The following CCNT2 variants were observed in gnomAD, a reference collection of about 807,000 sequenced individuals.
CCNT2 encodes the protein cyclin-T2.
In CCNT2, 18 loss-of-function variants were observed where a neutral mutation model predicts 70.0. That is an observed-to-expected ratio of 0.26 (90% CI 0.18 to 0.38). The LOEUF (loss-of-function observed/expected upper bound fraction) is 0.38. CCNT2 is among the 10% of genes least tolerant of loss of function. The pLI is 1.00. For synonymous variants in CCNT2, 334 were observed against 313.3 expected (o/e 1.07, Z -0.70); for missense variants, 734 against 890.2 (o/e 0.82, Z 2.23).
chr2:134,919,215 A>G (rs1029116194), intron 1 of CCNT2, among the ~76,000 whole-genome samples: 5 of 152,172 alleles, frequency 3.3e-5, no homozygotes, highest in Non-Finnish European at 7.3e-5. Context: ...AATGCGGGCC[A>G]GGAGCCTGCG....
At chr2:134,922,665 G>C (rs918823238) in intron 2 of CCNT2, among the ~76,000 whole-genome samples, 1 of 152,108 alleles carries the variant, frequency 6.6e-6, no homozygotes, top group African/African-American at 2.4e-5. Flanking sequence ...AAGTGTAAAA[G>C]CCCTGGAGCC....
At chr2:134,921,377 A>G (rs560181595) in intron 2 of CCNT2, among the ~76,000 whole-genome samples, 1 of 151,760 alleles carries the variant, frequency 6.6e-6, no homozygotes, top group East Asian at 1.9e-4. Context: ...TTTTTGAGAC[A>G]GAGTCTCACT....
rs542487617 is a variant in CCNT2, at chr2:134,949,807, G to A, written c.703+1908G>A. Among the ~76,000 whole-genome samples, 25 of 137,578 alleles carry A rather than the reference G, an allele frequency of 1.8e-4. No individual in the cohort carries two copies. The South Asian group carries it at 3.0e-3, about 17-fold the overall frequency. The allele number at this position is 137,578 out of a possible 152,430, so 90.3% of individuals were successfully genotyped here. On this transcript the variant is annotated intron_variant, in intron 7 of 8. Transcript: ENST00000264157. Reference sequence around the variant, plus strand: ...GGTAGGCAAAATTTTTTTTTCGGGGGGGGGGTGGGGGACAGAGTCTCAGTC... The same window carrying A: ...GGTAGGCAAAATTTTTTTTTCGGGGAGGGGGTGGGGGACAGAGTCTCAGTC...
intron 5 of CCNT2, 150 bp downstream of exon 5, chr2:134,942,824 C>T: frequency 2.2e-6 from 3 of 1,385,734 alleles, no homozygotes; most frequent in Non-Finnish European, 2.8e-6. Context: ...TTTTAGTGTT[C>T]TACATCTACT....
intron 2 of CCNT2, among the ~76,000 whole-genome samples, chr2:134,931,493 T>C (rs780861478): frequency 2.0e-5 from 3 of 151,944 alleles, no homozygotes; most frequent in East Asian, 1.9e-4. Context: ...TTAGGAAATA[T>C]GAGTCTTCCA....
intron 2 of CCNT2, among the ~76,000 whole-genome samples, chr2:134,931,296 A>ATTTTTTTTTTTTTTTTTTTT: frequency 2.5e-5 from 1 of 40,082 alleles, no homozygotes; most frequent in East Asian, 3.2e-3. Context: ...TTGGTATTTG[A>ATTTTTTTTTTTTTTTTTTTT]ATATACAGTT....
chr2:134,953,701 A>G lies in CCNT2; in HGVS notation c.1246A>G (p.Ser416Gly). The change falls in exon 9 of 9, where the codon AGC becomes GGC. Residue 416 changes from serine (S) to glycine (G), a missense_variant. By Grantham distance (56) the Ser-to-Gly change is moderately conservative. Around this residue, in one of 3 missense-constraint regions of CCNT2, gnomAD observed 532 missense variants for 556.9 expected, o/e 0.96. Transcript: ENST00000264157. The part of the protein sequence containing the change: ...VKQEYTHKAG[S>G]SKHHGPISTT... The stretch of plus-strand genomic sequence containing the variant: ...GCAAGAATATACTCATAAAGCAGGG[A>G]GCAGTAAACACCATGGGCCAATTTC... 6.2e-7 allele frequency: 1 copy of G among 1,613,928 alleles called. No homozygotes were observed.
intron 7 of CCNT2, among the ~76,000 whole-genome samples, chr2:134,948,814 A>G (rs1166971669): frequency 6.6e-6 from 1 of 151,448 alleles, no homozygotes; most frequent in African/African-American, 2.4e-5. Flanking sequence ...TCCCGAGTTC[A>G]AGCAATTCTC....
chr2:134,958,063 G>A lies in CCNT2; in HGVS notation c.*3415G>A, dbSNP rs1252994339. On this transcript the variant is annotated 3_prime_UTR_variant, in exon 9 of 9. Coordinates refer to ENST00000264157, the MANE Select transcript of CCNT2 (RefSeq NM_058241.3). ...TTTCTATTTGAGAACTTAAATTGCT[G>A]ACTTGTATTCGTTAAGCAACCTTAG... The A allele has an allele frequency of 6.6e-6, 1 of 152,138 alleles. No individual in the cohort carries two copies. The highest frequency in any genetic ancestry group is 2.4e-5 in the African/African-American group (1 of 41,434). 9.4% of individuals were successfully genotyped at this position (152,138 alleles called of 1,614,324 possible).
At position 134,953,429 on chromosome 2, in the gene CCNT2, G is replaced by A; in HGVS notation, c.974G>A (p.Ser325Asn). 1 of 1,611,514 alleles carries A rather than the reference G, an allele frequency of 6.2e-7. No homozygotes were observed. The highest frequency in any genetic ancestry group is 8.5e-7 in the Non-Finnish European group (1 of 1,178,566). Residue 325 changes from serine to asparagine, a missense_variant, in exon 9 of 9, where the codon AGC (serine) becomes AAC (asparagine). By Grantham distance (46) the Ser-to-Asn change is conservative (BLOSUM62 1). Coordinates refer to ENST00000264157, the MANE Select transcript of CCNT2 (RefSeq NM_058241.3). Reference protein sequence around the residue: ...LNSGNISVQDSHTSDNLSMLA... With the variant: ...LNSGNISVQDNHTSDNLSMLA... ...TCAGGAAATATTTCTGTTCAAGACAGCCATACATCTGATAATTTGTCAATG... is the reference window on the plus strand; with the variant it reads ...TCAGGAAATATTTCTGTTCAAGACAACCATACATCTGATAATTTGTCAATG...
intron 2 of CCNT2, among the ~76,000 whole-genome samples, chr2:134,923,355 C>T (rs1680055278): frequency 6.6e-6 from 1 of 152,086 alleles, no homozygotes; most frequent in Admixed American, 6.5e-5. Context: ...CATTGTTATA[C>T]TCTGGTCATG....
intron 2 of CCNT2, 71 bp from the exon 3 acceptor site, chr2:134,936,770 A>T: frequency 2.1e-6 from 3 of 1,436,648 alleles, no homozygotes; most frequent in Non-Finnish European, 2.8e-6. Context: ...AAAAACAGAA[A>T]AGAAAAGAAA....
intron 4 of CCNT2, among the ~76,000 whole-genome samples, chr2:134,939,761 C>T (rs190165619): frequency 2.3e-3 from 353 of 152,190 alleles, no homozygotes; most frequent in African/African-American, 7.8e-3. Flanking sequence ...TCACCACGCC[C>T]GGCCTATCAT....
intron 7 of CCNT2, among the ~76,000 whole-genome samples, chr2:134,948,340 TAAAAAA>T (rs1409337319): frequency 1.3e-4 from 18 of 143,370 alleles, no homozygotes; most frequent in Non-Finnish European, 1.9e-4. Context: ...TTTCAGGACT[TAAAAAA>T]TAAATAAGTA....
Position 134,953,861 on chromosome 2 carries a change from A to C in CCNT2, c.1406A>C (p.Gln469Pro). ...GTAGAACAGCAGCACAAACAAGGGC[A>C]GTCACAGGCAGCCAGCAGCAGTTCT... ...AQVEQQHKQG[Q>P]SQAASSSSVT... The change falls in exon 9 of 9, where the codon CAG becomes CCG. Residue 469 changes from glutamine (Q) to proline (P), a missense_variant. Gln to Pro is a moderately conservative substitution (Grantham distance 76, BLOSUM62 -1). This residue lies in a region of CCNT2 where 532 missense variants were observed against 556.9 expected (regional missense o/e 0.96). Coordinates refer to ENST00000264157, the MANE Select transcript of CCNT2 (RefSeq NM_058241.3). The C allele has an allele frequency of 1.2e-6, 2 of 1,614,158 alleles. No individual in the cohort carries two copies. Among genetic ancestry groups the C allele is most frequent in the Non-Finnish European group, 1.7e-6 (2 of 1,180,026 alleles).
chr2:134,948,699 T>G lies in CCNT2; in HGVS notation c.703+800T>G, dbSNP rs117714995. ...GCATTTTAACCACGTACTGTAGATTTCAGCAAGAAAATAGATAACACTTTT... is the reference window on the plus strand; with the variant it reads ...GCATTTTAACCACGTACTGTAGATTGCAGCAAGAAAATAGATAACACTTTT... On this transcript the variant is annotated intron_variant, in intron 7 of 8. Coordinates refer to ENST00000264157, the MANE Select transcript of CCNT2 (RefSeq NM_058241.3). Among the ~76,000 whole-genome samples the G allele has an allele frequency of 3.2e-4, 48 of 150,548 alleles. No homozygotes were observed. The East Asian group carries it at 9.2e-3, about 29-fold the overall frequency.
chr2:134,945,645 G>C, intron 5 of CCNT2: 1 of 1,214,866 alleles, frequency 8.2e-7, no homozygotes, highest in Non-Finnish European at 1.0e-6. Context: ...GTGGGGTGGG[G>C]GTTTGTTTTG....
chr2:134,930,606 G>A (rs534595316), intron 2 of CCNT2, among the ~76,000 whole-genome samples: 2 of 152,250 alleles, frequency 1.3e-5, no homozygotes, highest in East Asian at 3.9e-4. Context: ...AGGAACTGCC[G>A]AACTGTTTTC....
rs1029513998 is a variant in CCNT2, at chr2:134,954,468, T to C, written c.2013T>C (p.Pro671=). 1.9e-6 allele frequency: 3 copies of C among 1,614,038 alleles called. No homozygotes were observed. The highest frequency in any genetic ancestry group is 2.7e-5 in the African/African-American group (2 of 74,926). The part of the protein sequence containing the change: ...VFNHPLPPPP[P]VTYQVGYGHL... ...ACCATCCCTTACCCCCTCCTCCCCCTGTCACATACCAGGTGGGCTACGGAC... is the reference window on the plus strand; with the variant it reads ...ACCATCCCTTACCCCCTCCTCCCCCCGTCACATACCAGGTGGGCTACGGAC... Residue 671 remains proline (P), a synonymous_variant, in exon 9 of 9, where the codon CCT becomes CCC. Coordinates refer to ENST00000264157, the MANE Select transcript of CCNT2 (RefSeq NM_058241.3).
Sources: gnomAD v4.1 joint callset for allele counts (sites outside exome capture counted in the v4.1 genomes callset) on GRCh38, gnomAD v4.1.1 for gene constraint, gnomAD v4.1.1 regional missense constraint, MANE v1.5 for transcripts, NCBI Gene and HGNC (gene_info 2026-07-23, HGNC 2026-07-21) for gene names.